The following WDFY3 variants were observed in gnomAD, a reference collection of about 807,000 sequenced individuals.
The protein encoded by WDFY3 is WD repeat and FYVE domain-containing protein 3.
WDFY3 carries 66 observed loss-of-function variants against 409.6 expected under a neutral mutation model. That is an observed-to-expected ratio of 0.16 (90% CI 0.13 to 0.20). The LOEUF is 0.20. WDFY3 is among the 10% of genes least tolerant of loss of function. The pLI is 1.00. For missense variants in WDFY3, 3,031 were observed against 4,298.1 expected, an observed-to-expected ratio of 0.71 and a Z score of 8.24; for synonymous variants, 1,521 against 1,537.1, an observed-to-expected ratio of 0.99 and a Z score of 0.25.
chr4:84,745,992 A>C (rs1215606645), intron 36 of WDFY3, among the ~76,000 whole-genome samples: 1 of 152,012 alleles, frequency 6.6e-6, no homozygotes, highest in Non-Finnish European at 1.5e-5. Flanking sequence ...CAGTCACAGA[A>C]GGACATAAAC....
intron 64 of WDFY3, among the ~76,000 whole-genome samples, chr4:84,680,070 T>C (rs1727098820): frequency 6.6e-6 from 1 of 151,966 alleles, no homozygotes. Context: ...TTTGTATTTT[T>C]AGTAGAGACG....
chr4:84,845,207 T>C (rs144669451), intron 5 of WDFY3, among the ~76,000 whole-genome samples: 2 of 152,316 alleles, frequency 1.3e-5, no homozygotes, highest in African/African-American at 4.8e-5. Flanking sequence ...AAGAATAATC[T>C]TGTTCTGGTG....
chr4:84,733,286 C>G, intron 44 of WDFY3, 96 bp downstream of exon 44: 4 of 1,328,778 alleles, frequency 3.0e-6, no homozygotes, highest in Non-Finnish European at 3.1e-6. Flanking sequence ...TTAAAATTAG[C>G]TATTTGAGGT....
At chr4:84,793,552 T>A (rs1446330100) in intron 21 of WDFY3, among the ~76,000 whole-genome samples, 1 of 152,208 alleles carries the variant, frequency 6.6e-6, no homozygotes, top group African/African-American at 2.4e-5. Flanking sequence ...AGAATACTAC[T>A]TCTGAGGGGC....
At chr4:84,850,305 T>C (rs868019750) in intron 4 of WDFY3, among the ~76,000 whole-genome samples, 6 of 148,200 alleles carry the variant, frequency 4.0e-5, no homozygotes, top group African/African-American at 1.5e-4. Context: ...ACGAAAAACA[T>C]TAGAAATTAT....
chr4:84,756,569 A>G (rs1156972104), intron 33 of WDFY3, among the ~76,000 whole-genome samples: 2 of 150,814 alleles, frequency 1.3e-5, no homozygotes, highest in Non-Finnish European at 2.9e-5. Flanking sequence ...TGGGTGACAG[A>G]GTAAGACTCT....
intron 4 of WDFY3, among the ~76,000 whole-genome samples, chr4:84,852,122 G>A (rs187271555): frequency 6.6e-6 from 1 of 152,178 alleles, no homozygotes; most frequent in Admixed American, 6.6e-5. Context: ...TGCACTTTGG[G>A]GCCATTATTA....
At chr4:84,920,459 T>C (rs866614554) in intron 2 of WDFY3, among the ~76,000 whole-genome samples, 2 of 152,222 alleles carry the variant, frequency 1.3e-5, no homozygotes, top group African/African-American at 4.8e-5. Flanking sequence ...CATGCATGTA[T>C]GTTTACAAAT....
intron 3 of WDFY3, among the ~76,000 whole-genome samples, chr4:84,885,328 ATATGTGTGTGTGTGTG>A (rs1764059685): frequency 1.2e-5 from 1 of 80,876 alleles, no homozygotes. Flanking sequence ...ATACATATAC[ATATGTGTGTGTGTGTG>A]TGTGTGTGTG....
chr4:84,693,590 A>G (rs909326825), intron 58 of WDFY3, among the ~76,000 whole-genome samples: 4 of 152,212 alleles, frequency 2.6e-5, no homozygotes, highest in Non-Finnish European at 5.9e-5. Flanking sequence ...GTCATTCTGT[A>G]TTTCTACAGG....
intron 45 of WDFY3, among the ~76,000 whole-genome samples, chr4:84,726,233 T>G (rs1264703836): frequency 6.6e-6 from 1 of 152,188 alleles, no homozygotes; most frequent in East Asian, 1.9e-4. Flanking sequence ...CATGTACAGA[T>G]TTAAAATTGA....
chr4:84,888,123 G>A lies in WDFY3; in HGVS notation c.-32+8788C>T, dbSNP rs78463532. On this transcript the variant is annotated intron_variant, in intron 3 of 67. Transcript: ENST00000295888. ...TTTTCTTTTCCTTTGAGGATCTCCC[G>A]CTATCTTTAATTCAAATCTGCCACA... 3.9e-5 allele frequency among the ~76,000 whole-genome samples: 6 copies of A among 152,132 alleles called. No individual in the cohort carries two copies. The East Asian group carries it at 1.2e-3, about 29-fold the overall frequency.
At chr4:84,877,378 G>T (rs1762930137) in intron 3 of WDFY3, among the ~76,000 whole-genome samples, 1 of 152,122 alleles carries the variant, frequency 6.6e-6, no homozygotes. Context: ...CTGTTGCCCA[G>T]GCTGGAGTGC....
chr4:84,961,396 C>G (rs1774896228), intron 1 of WDFY3, among the ~76,000 whole-genome samples: 1 of 151,248 alleles, frequency 6.6e-6, no homozygotes, highest in African/African-American at 2.4e-5. Context: ...CCTTTAAGTC[C>G]AAGTAAAATT....
intron 7 of WDFY3, among the ~76,000 whole-genome samples, chr4:84,833,105 T>TA (rs1279976869): frequency 6.6e-6 from 1 of 152,060 alleles, no homozygotes; most frequent in Non-Finnish European, 1.5e-5. Context: ...AATGAGAACT[T>TA]ATTCTTTAAC....
intron 44 of WDFY3, among the ~76,000 whole-genome samples, chr4:84,728,929 A>G (rs1736112254): frequency 6.6e-6 from 1 of 152,084 alleles, no homozygotes; most frequent in Non-Finnish European, 1.5e-5. Context: ...TAGTCCTTTT[A>G]CTTCAAATTT....
intron 45 of WDFY3, 113 bp from the exon 46 acceptor site, chr4:84,724,707 CAT>C: frequency 8.6e-7 from 1 of 1,169,420 alleles, no homozygotes; most frequent in Non-Finnish European, 1.2e-6. Flanking sequence ...AGGGGCTTTT[CAT>C]AGACTGTATG....
At chr4:84,763,401 G>A (rs1258348857) in intron 32 of WDFY3, among the ~76,000 whole-genome samples, 1 of 144,268 alleles carries the variant, frequency 6.9e-6, no homozygotes, top group African/African-American at 2.5e-5. Context: ...TTAAGGGGAG[G>A]GAGAGAATTA....
intron 5 of WDFY3, among the ~76,000 whole-genome samples, chr4:84,845,091 GC>G (rs1560907451): frequency 6.6e-6 from 1 of 152,086 alleles, no homozygotes; most frequent in Non-Finnish European, 1.5e-5. Context: ...GATATCTACA[GC>G]CCATATCTCA....
Sources: allele counts gnomAD v4.1 joint callset (sites outside exome capture counted in the v4.1 genomes callset), GRCh38; gene constraint gnomAD v4.1.1; transcripts MANE v1.5; gene names NCBI Gene and HGNC (gene_info 2026-07-23, HGNC 2026-07-21).